The following RIMS2 variants were observed in gnomAD, a reference collection of about 807,000 sequenced individuals.
RIMS2 encodes the protein regulating synaptic membrane exocytosis protein 2.
Under a neutral mutation model 174.4 loss-of-function variants are expected in RIMS2, and 59 were observed. The ratio of observed to expected loss-of-function variants is 0.34; its 90% CI spans 0.27 to 0.42. The LOEUF is 0.42. RIMS2 is among the 10% of genes least tolerant of loss of function. The pLI, the probability that RIMS2 is intolerant of heterozygous loss-of-function variation, is 1.00. For missense variants in RIMS2, 1,620 were observed against 1,666.3 expected (o/e 0.97, Z 0.48); for synonymous variants, 606 against 572.5 (o/e 1.06, Z -0.84).
At chr8:103,596,667 C>T (rs1036092530) in intron 1 of RIMS2, among the ~76,000 whole-genome samples, 2 of 151,900 alleles carry the variant, frequency 1.3e-5, no homozygotes, top group Non-Finnish European at 2.9e-5. Context: ...TGTACATGTG[C>T]AATTATTACT....
intron 1 of RIMS2, among the ~76,000 whole-genome samples, chr8:103,606,486 T>G (rs201455358): frequency 0.065 from 9,944 of 151,972 alleles, 401 homozygotes; most frequent in South Asian, 0.087. Context: ...TGTTGATTTG[T>G]GGTGGAGAGT....
intron 1 of RIMS2, among the ~76,000 whole-genome samples, chr8:103,576,609 A>T (rs1219113160): frequency 1.3e-5 from 2 of 152,206 alleles, no homozygotes; most frequent in Non-Finnish European, 2.9e-5. Context: ...AAGAGCCCAT[A>T]TAACCAAGAC....
chr8:103,770,007 C>T (rs370103320), intron 3 of RIMS2, among the ~76,000 whole-genome samples: 2 of 151,972 alleles, frequency 1.3e-5, no homozygotes, highest in African/African-American at 4.8e-5. Flanking sequence ...TTTTGGGAAA[C>T]ACTTTAAAGA....
intron 1 of RIMS2, among the ~76,000 whole-genome samples, chr8:103,594,411 T>A (rs10110202): frequency 0.18 from 27,610 of 151,554 alleles, 2,763 homozygotes; most frequent in African/African-American, 0.26. Flanking sequence ...TATGAGTTCC[T>A]TGTTAATCAA....
chr8:103,831,102 C>A (rs900612155), intron 3 of RIMS2, among the ~76,000 whole-genome samples: 12 of 152,144 alleles, frequency 7.9e-5, no homozygotes, highest in Non-Finnish European at 1.8e-4. Flanking sequence ...AGCCATCGTG[C>A]CTGGATTATG....
In RIMS2 at chr8:104,021,767, C is replaced by T. The variant is rs556873166; in HGVS notation, c.3334+7152C>T. On this transcript the variant is annotated intron_variant, in intron 19 of 23. Transcript: ENST00000504942. ...ACCATGACAGATTCTTCCTGCCTCCCGCACAGACAAAACCAGTTCATTAAG... is the reference window on the plus strand; with the variant it reads ...ACCATGACAGATTCTTCCTGCCTCCTGCACAGACAAAACCAGTTCATTAAG... Among the ~76,000 whole-genome samples the T allele has an allele frequency of 7.9e-5, 12 of 152,232 alleles. No individual in the cohort carries two copies. The East Asian group carries it at 9.6e-4, about 12-fold the overall frequency.
chr8:103,587,468 G>GAAAGAAAAA (rs35539559), intron 1 of RIMS2, among the ~76,000 whole-genome samples: 3 of 96,344 alleles, frequency 3.1e-5, no homozygotes, highest in Admixed American at 3.0e-4. Context: ...AAGAAAGAAA[G>GAAAGAAAAA]AAACTATGCA....
intron 19 of RIMS2, among the ~76,000 whole-genome samples, chr8:104,042,430 G>A (rs1041976329): frequency 2.8e-4 from 42 of 151,510 alleles, no homozygotes; most frequent in Admixed American, 1.2e-3. Context: ...AAGATGGACC[G>A]GAGCAATATA....
At chr8:103,935,182 C>G (rs1420175666) in intron 12 of RIMS2, among the ~76,000 whole-genome samples, 1 of 152,190 alleles carries the variant, frequency 6.6e-6, no homozygotes, top group Non-Finnish European at 1.5e-5. Context: ...GATCATACAT[C>G]ACAGTCCTTG....
At chr8:103,505,879 T>C (rs775892859) in intron 1 of RIMS2, among the ~76,000 whole-genome samples, 5 of 152,154 alleles carry the variant, frequency 3.3e-5, no homozygotes, top group Non-Finnish European at 7.4e-5. Flanking sequence ...TGTATTCCCT[T>C]TTCTATTAGT....
At chr8:103,660,569 A>G (rs1196435307) in intron 1 of RIMS2, among the ~76,000 whole-genome samples, 1 of 151,990 alleles carries the variant, frequency 6.6e-6, no homozygotes, top group Non-Finnish European at 1.5e-5. Context: ...GGCCCGGAAT[A>G]AACATGCTGC....
chr8:103,523,406 C>CTGTG (rs796706323), intron 1 of RIMS2, among the ~76,000 whole-genome samples: 1 of 149,360 alleles, frequency 6.7e-6, no homozygotes, highest in Non-Finnish European at 1.5e-5. Flanking sequence ...TTGTGTGTGT[C>CTGTG]TGTGTGTGTG....
upstream of RIMS2, chr8:103,500,654 C>T (rs1009901440): frequency 1.0e-5 from 5 of 490,074 alleles, no homozygotes; most frequent in Non-Finnish European, 1.8e-5. Flanking sequence ...CCCTTCGCCC[C>T]CGGGAAGAAG....
intron 11 of RIMS2, chr8:103,928,024 A>T: frequency 1.5e-6 from 1 of 654,938 alleles, no homozygotes; most frequent in Non-Finnish European, 2.6e-6. Flanking sequence ...AAATCATTTT[A>T]TTAGCCAGCT....
At chr8:104,013,460 T>G in exon 18 of RIMS2, 1 of 1,613,686 alleles carries the variant, frequency 6.2e-7, no homozygotes, top group Non-Finnish European at 8.5e-7. Flanking sequence ...AAGCAGCAGA[T>G]AGACAGCCAT....
At chr8:103,992,471 G>A (rs952936719) in intron 17 of RIMS2, among the ~76,000 whole-genome samples, 2 of 151,618 alleles carry the variant, frequency 1.3e-5, no homozygotes, top group Non-Finnish European at 2.9e-5. Context: ...TAAGTTTTGT[G>A]TAGAATGAAT....
chr8:103,821,555 A>G (rs145630873), intron 3 of RIMS2, among the ~76,000 whole-genome samples: 5 of 151,902 alleles, frequency 3.3e-5, no homozygotes, highest in African/African-American at 1.2e-4. Context: ...AAGGTCAATC[A>G]AAAAGTTCTG....
chr8:104,240,133 A>G (rs2099278977), intron 19 of RIMS2, among the ~76,000 whole-genome samples: 1 of 152,204 alleles, frequency 6.6e-6, no homozygotes, highest in African/African-American at 2.4e-5. Flanking sequence ...AGACAGAGAA[A>G]GCACTCTGCT....
chr8:103,576,287 A>C (rs2093229488), intron 1 of RIMS2, among the ~76,000 whole-genome samples: 1 of 152,260 alleles, frequency 6.6e-6, no homozygotes, highest in African/African-American at 2.4e-5. Context: ...ACATGGCAGA[A>C]AAAACAAACA....
Sources: allele counts gnomAD v4.1 joint callset (sites outside exome capture counted in the v4.1 genomes callset), GRCh38; gene constraint gnomAD v4.1.1; transcripts MANE v1.5; gene names NCBI Gene and HGNC (gene_info 2026-07-23, HGNC 2026-07-21).